ATP8A2: variants seen among roughly 807,000 people sequenced by gnomAD.
ATP8A2 encodes ATPase phospholipid transporting 8A2.
In ATP8A2, 100 loss-of-function variants were observed where a neutral mutation model predicts 165.6. The observed-to-expected ratio is 0.60, with a 90% confidence interval of 0.51 to 0.71. The LOEUF is 0.71. ATP8A2 is among the 30% of genes least tolerant of loss of function. The probability of loss-of-function intolerance (pLI) is 0.00; values close to 1 mark genes in which losing one functional copy is unlikely to be tolerated. For synonymous variants in ATP8A2, 543 were observed against 548.8 expected (o/e 0.99, Z 0.15); for missense variants, 1,227 against 1,479.5 (o/e 0.83, Z 2.80).
At chr13:25,730,901 C>T (rs766469348) in intron 25 of ATP8A2, among the ~76,000 whole-genome samples, 1 of 151,946 alleles carries the variant, frequency 6.6e-6, no homozygotes, top group Non-Finnish European at 1.5e-5. Context: ...CAAAGTGAGA[C>T]CTGTCTCTAC....
At chr13:25,610,404 T>C (rs1430872917) in intron 24 of ATP8A2, among the ~76,000 whole-genome samples, 1 of 152,176 alleles carries the variant, frequency 6.6e-6, no homozygotes, top group Non-Finnish European at 1.5e-5. Context: ...TTCTTTGCTT[T>C]GTCGAGGATC....
chr13:25,656,418 G>A (rs1002038118), intron 24 of ATP8A2, among the ~76,000 whole-genome samples: 2 of 151,794 alleles, frequency 1.3e-5, no homozygotes, highest in Non-Finnish European at 1.5e-5. Context: ...TGGGATTACA[G>A]GTGTGTGCCA....
chr13:25,844,715 GCCACCCACACCCAGAGC>G (rs1951820405), intron 30 of ATP8A2, among the ~76,000 whole-genome samples: 1 of 152,074 alleles, frequency 6.6e-6, no homozygotes, highest in Non-Finnish European at 1.5e-5. Flanking sequence ...CCCTCAGATG[GCCACCCACACCCAGAGC>G]CCCAGAGGAG....
chr13:25,747,963 T>A (rs78932030), intron 25 of ATP8A2, among the ~76,000 whole-genome samples: 3 of 152,000 alleles, frequency 2.0e-5, no homozygotes, highest in Non-Finnish European at 4.4e-5. Context: ...TATTGGGTTT[T>A]AAAAATTCAT....
In ATP8A2 at chr13:25,865,900, A is replaced by G. The variant is rs146903204; in HGVS notation, c.3183+3492A>G. ...GGGAATGCCAGTCCTCGGCTATGGA[A>G]AATACATGATGATGTTTTTTTTCCG... On this transcript the variant is annotated intron_variant, in intron 33 of 36. Transcript: ENST00000381655. Among the ~76,000 whole-genome samples, 330 of 152,288 alleles carry G rather than the reference A, an allele frequency of 2.2e-3. 3 individuals are homozygous for G. The highest frequency in any genetic ancestry group is 7.4e-3 in the African/African-American group (307 of 41,544).
At chr13:25,687,790 G>A (rs1305022986) in intron 24 of ATP8A2, among the ~76,000 whole-genome samples, 2 of 152,126 alleles carry the variant, frequency 1.3e-5, no homozygotes, top group African/African-American at 4.8e-5. Flanking sequence ...GTTATCACAG[G>A]CAGAGGTGAT....
chr13:25,415,318 C>A (rs2034100864), intron 1 of ATP8A2, among the ~76,000 whole-genome samples: 1 of 152,158 alleles, frequency 6.6e-6, no homozygotes, highest in Non-Finnish European at 1.5e-5. Flanking sequence ...TCAGCAAATC[C>A]TGCTGCCTCT....
chr13:25,888,887 G>A (rs1233728525), intron 33 of ATP8A2, among the ~76,000 whole-genome samples: 1 of 151,968 alleles, frequency 6.6e-6, no homozygotes, highest in African/African-American at 2.4e-5. Context: ...GAGTTCATGG[G>A]GTCATTTGTA....
Position 25,436,901 on chromosome 13 carries a change from T to C in ATP8A2, c.77-32076T>C, listed in dbSNP as rs375096383. Among the ~76,000 whole-genome samples, 4 of 152,092 alleles carry C rather than the reference T, an allele frequency of 2.6e-5. No homozygotes were observed. The South Asian group carries it at 6.2e-4, about 24-fold the overall frequency. Reference sequence around the variant, plus strand: ...AGGTGATCTTCCCACCTCAGCCTCCTGAGTAGCTGGGACTACAGGTGCCCA... The same window carrying C: ...AGGTGATCTTCCCACCTCAGCCTCCCGAGTAGCTGGGACTACAGGTGCCCA... On this transcript the variant is annotated intron_variant, in intron 1 of 36. Transcript: ENST00000381655.
At chr13:25,905,246 T>TA (rs941566790) in intron 33 of ATP8A2, among the ~76,000 whole-genome samples, 7 of 151,328 alleles carry the variant, frequency 4.6e-5, no homozygotes, top group South Asian at 2.1e-4. Flanking sequence ...TTTACTTACT[T>TA]AAAAAAAAAA....
intron 24 of ATP8A2, among the ~76,000 whole-genome samples, chr13:25,665,609 G>T (rs924564966): frequency 2.0e-5 from 3 of 152,122 alleles, no homozygotes; most frequent in Non-Finnish European, 4.4e-5. Context: ...CCATGTAAGA[G>T]CCTCATCCAA....
intron 1 of ATP8A2, among the ~76,000 whole-genome samples, chr13:25,435,159 T>A (rs962431704): frequency 6.6e-6 from 1 of 151,886 alleles, no homozygotes; most frequent in Non-Finnish European, 1.5e-5. Flanking sequence ...TTTGCTTTTT[T>A]GCCCAGGCCG....
At chr13:25,616,752 A>T (rs1324234953) in intron 24 of ATP8A2, among the ~76,000 whole-genome samples, 2 of 152,066 alleles carry the variant, frequency 1.3e-5, no homozygotes, top group African/African-American at 4.8e-5. Flanking sequence ...AGCAACATTC[A>T]TTTTCTTTTT....
intron 2 of ATP8A2, among the ~76,000 whole-genome samples, chr13:25,491,599 G>A (rs984098361): frequency 3.3e-5 from 5 of 152,158 alleles, no homozygotes; most frequent in Non-Finnish European, 7.4e-5. Context: ...TAGAACTTGA[G>A]TTACTTCGAT....
chr13:25,751,610 A>T (rs2138198178), intron 25 of ATP8A2, among the ~76,000 whole-genome samples: 1 of 151,958 alleles, frequency 6.6e-6, no homozygotes, highest in South Asian at 2.1e-4. Flanking sequence ...TAATTTTAAA[A>T]TTTTCTGTAG....
At chr13:25,453,314 A>C (rs1279697315) in intron 1 of ATP8A2, among the ~76,000 whole-genome samples, 1 of 151,608 alleles carries the variant, frequency 6.6e-6, no homozygotes, top group Non-Finnish European at 1.5e-5. Context: ...TTTAGTAAAG[A>C]GGGGTTTCCT....
intron 24 of ATP8A2, among the ~76,000 whole-genome samples, chr13:25,611,195 G>A (rs1035311158): frequency 1.3e-5 from 2 of 152,030 alleles, no homozygotes; most frequent in South Asian, 4.1e-4. Flanking sequence ...GAATAGAAGT[G>A]GTGAAAGTGG....
At chr13:25,458,318 A>T (rs1258765623) in intron 1 of ATP8A2, among the ~76,000 whole-genome samples, 1 of 152,200 alleles carries the variant, frequency 6.6e-6, no homozygotes, top group African/African-American at 2.4e-5. Flanking sequence ...TAAATATCTC[A>T]CACTTACAAG....
chr13:25,859,811 G>A (rs187984238), intron 30 of ATP8A2, among the ~76,000 whole-genome samples: 4 of 152,162 alleles, frequency 2.6e-5, no homozygotes, highest in Non-Finnish European at 5.9e-5. Context: ...AAAATGTAAA[G>A]ATGAATCATA....
Sources: allele counts gnomAD v4.1 joint callset (sites outside exome capture counted in the v4.1 genomes callset), GRCh38; gene constraint gnomAD v4.1.1; transcripts MANE v1.5; gene names NCBI Gene and HGNC (gene_info 2026-07-23, HGNC 2026-07-21).